Variants in PP2D1 observed in about 807,000 individuals in gnomAD.
The protein encoded by PP2D1 is protein phosphatase 2C-like domain-containing protein 1.
A neutral mutation model predicts 30.2 loss-of-function variants in PP2D1; 25 were observed. The ratio of observed to expected loss-of-function variants is 0.83; its 90% CI spans 0.60 to 1.16. The LOEUF is 1.16. Ranked by LOEUF, PP2D1 falls within the 50% of genes most tolerant of loss-of-function variation. PP2D1 has a pLI of 0.00. For synonymous variants in PP2D1, 260 were observed against 258.9 expected (o/e 1.00, Z -0.04); for missense variants, 760 against 742.4 (o/e 1.02, Z -0.28).
intron 2 of PP2D1, among the ~76,000 whole-genome samples, chr3:19,986,609 A>T (rs1395285466): frequency 6.6e-6 from 1 of 152,230 alleles, no homozygotes; most frequent in African/African-American, 2.4e-5. Context: ...TTGATTTTTT[A>T]AAAAGAATGA....
intron 1 of PP2D1, among the ~76,000 whole-genome samples, chr3:20,007,408 G>C (rs1322715007): frequency 1.3e-5 from 2 of 152,184 alleles, no homozygotes; most frequent in East Asian, 3.9e-4. Context: ...GTAGACTTAG[G>C]ATTTTTTTTT....
In PP2D1 at chr3:20,001,477, CTGAGGCACCG is replaced by C. The variant is rs1234341322; in HGVS notation, c.633_642del (p.His211GlnfsTer5). On this transcript the variant is annotated frameshift_variant, in exon 2 of 3. Transcript: ENST00000389050. LOFTEE classifies it high-confidence loss of function. Reference sequence around the variant, plus strand: ...AGTTCCATTGATGTCAACTCTGCCGCTGAGGCACCGTGATGTCCATCAAACAAACCAAAAA... The same window carrying C: ...AGTTCCATTGATGTCAACTCTGCCGCTGATGTCCATCAAACAAACCAAAAA... 5.2e-6 allele frequency: 8 copies of C among 1,536,266 alleles called. No individual in the cohort carries two copies. In the African/African-American group the frequency reaches 1.1e-4, roughly 21 times the overall value.
Position 20,001,439 on chromosome 3 carries a change from A to G in PP2D1, c.681T>C (p.Leu227=), listed in dbSNP as rs1295812529. The change falls in exon 2 of 3, where the codon CTT becomes CTC. Residue 227 remains leucine (L), a synonymous_variant. Coordinates refer to ENST00000389050, the MANE Select transcript of PP2D1 (RefSeq NM_001252657.2). ...ELTSMELPVL[L]LHQLSKFDPS... is the part of the protein sequence containing the mutation. The stretch of plus-strand genomic sequence containing the variant: ...GATCAAATTTGGAAAGCTGATGGAG[A>G]AGTAAAACTGGGAGTTCCATTGATG... The G allele has an allele frequency of 3.3e-6, 5 of 1,536,568 alleles. No homozygotes were observed. Among genetic ancestry groups the G allele is most frequent in the Non-Finnish European group, 3.5e-6 (4 of 1,147,000 alleles).
downstream of PP2D1, among the ~76,000 whole-genome samples, chr3:19,983,345 C>CAAAAAAA (rs34872300): frequency 2.2e-5 from 2 of 92,110 alleles, no homozygotes; most frequent in African/African-American, 4.1e-5. Flanking sequence ...GACTACATCT[C>CAAAAAAA]AAAAAAAAAA....
chr3:19,988,556 C>T (rs965931937), intron 2 of PP2D1, among the ~76,000 whole-genome samples: 6 of 152,128 alleles, frequency 3.9e-5, no homozygotes, highest in Admixed American at 1.3e-4. Context: ...CGTTCTGCCC[C>T]CATTTGCCTT....
At chr3:19,994,043 TA>T (rs140353341) in intron 2 of PP2D1, among the ~76,000 whole-genome samples, 65 of 146,764 alleles carry the variant, frequency 4.4e-4, no homozygotes, top group Middle Eastern at 3.5e-3. Flanking sequence ...AATTCTGTCT[TA>T]AAAAAAAAAA....
At chr3:19,980,445 A>ATTTTTTTTTTT (rs11441052), downstream of PP2D1, among the ~76,000 whole-genome samples, 3 of 148,102 alleles carry the variant, frequency 2.0e-5, no homozygotes, top group Non-Finnish European at 1.5e-5. Flanking sequence ...AGGTTAGTAA[A>ATTTTTTTTTTT]TTTTTTTTTC....
chr3:19,987,371 T>G (rs1275869661), intron 2 of PP2D1, among the ~76,000 whole-genome samples: 2 of 152,176 alleles, frequency 1.3e-5, no homozygotes, highest in African/African-American at 4.8e-5. Context: ...TTACATATAA[T>G]TACATATTGT....
intron 2 of PP2D1, among the ~76,000 whole-genome samples, chr3:20,000,631 C>G (rs1283823221): frequency 6.6e-6 from 1 of 152,140 alleles, no homozygotes; most frequent in East Asian, 1.9e-4. Flanking sequence ...AGTAACTGAC[C>G]AATTTAAACA....
rs893066875 is a variant in PP2D1, at chr3:20,012,100, C to T, written c.-28G>A. On this transcript the variant is annotated 5_prime_UTR_variant, in exon 1 of 3. Transcript: ENST00000389050. ...TCCTTTGGAATTACCTTTCTTTGCC[C>T]TCCCTTTATCCCCTTCCCCTGGCCT... 1 of 1,522,728 alleles carries T rather than the reference C, an allele frequency of 6.6e-7. No individual in the cohort carries two copies. The highest frequency in any genetic ancestry group is 8.8e-7 in the Non-Finnish European group (1 of 1,136,870). 94.3% of individuals were successfully genotyped at this position (1,522,728 alleles called of 1,614,324 possible).
At chr3:19,982,858 C>G (rs552759254), downstream of PP2D1, among the ~76,000 whole-genome samples, 1 of 151,862 alleles carries the variant, frequency 6.6e-6, no homozygotes, top group East Asian at 1.9e-4. Context: ...TATCACAATT[C>G]GGGGTGATAA....
chr3:19,984,580 T>C (rs1230494142), downstream of PP2D1: 1 of 174,020 alleles, frequency 5.7e-6, no homozygotes, highest in Non-Finnish European at 1.2e-5. Context: ...TAATCACCGC[T>C]GGCCATTACA....
At chr3:20,007,952 A>C (rs1051691650) in intron 1 of PP2D1, 1 of 223,244 alleles carries the variant, frequency 4.5e-6, no homozygotes, top group African/African-American at 2.3e-5. Context: ...TGGCGCTGCC[A>C]ATCTCCTTAA....
rs541865706 is a variant in PP2D1 at position 19,985,873 on chromosome 3, G to A, written c.1400C>T (p.Thr467Ile). 4.3e-5 allele frequency: 66 copies of A among 1,536,444 alleles called. 1 individual carries two copies. Among genetic ancestry groups the A allele is most frequent in the Admixed American group, 2.5e-4 (13 of 51,010 alleles). The change falls in exon 3 of 3, where the codon ACT becomes ATT. Residue 467 changes from threonine to isoleucine, a missense_variant. By Grantham distance (89) the Thr-to-Ile change is moderately conservative (BLOSUM62 -1). Transcript: ENST00000389050. Reference protein sequence around the residue: ...LWEVLDKEEVTALAMTTFHMY... With the variant: ...LWEVLDKEEVIALAMTTFHMY... ...GTGAAATGTTGTCATTGCCAGGGCAGTAACTTCCTCTTTATCCAAAACTTC... is the reference window on the plus strand; with the variant it reads ...GTGAAATGTTGTCATTGCCAGGGCAATAACTTCCTCTTTATCCAAAACTTC...
At chr3:20,000,127 G>T (rs62241327) in intron 2 of PP2D1, among the ~76,000 whole-genome samples, 48 of 152,268 alleles carry the variant, frequency 3.2e-4, no homozygotes, top group Non-Finnish European at 5.7e-4. Flanking sequence ...CCCCTTAAGA[G>T]GTAACATGAT....
rs1308676471 is a variant in PP2D1, at chr3:20,001,198, G to A, written c.922C>T (p.Gln308Ter). 24 of 1,528,102 alleles carry A rather than the reference G, an allele frequency of 1.6e-5. No individual in the cohort carries two copies. The highest frequency in any genetic ancestry group is 2.0e-5 in the Non-Finnish European group (23 of 1,143,752). 94.7% of individuals were successfully genotyped at this position (1,528,102 alleles called of 1,614,324 possible). ...GLGRKEVSRV[Q>*]WSGCSAVTCI... Reference sequence around the variant, plus strand: ...GTAACTGCAGAGCAGCCACTCCATTGAACCCTGGACACTTCTTTTCTTCCA... The same window carrying A: ...GTAACTGCAGAGCAGCCACTCCATTAAACCCTGGACACTTCTTTTCTTCCA... The change falls in exon 2 of 3, where the codon CAA (glutamine) becomes TAA (stop). Residue 308 changes from glutamine to a stop codon, truncating the protein, a stop_gained. Coordinates refer to ENST00000389050, the MANE Select transcript of PP2D1 (RefSeq NM_001252657.2). LOFTEE classifies it high-confidence loss of function.
intron 1 of PP2D1, among the ~76,000 whole-genome samples, chr3:20,011,329 A>G (rs1423575061): frequency 6.6e-6 from 1 of 152,130 alleles, no homozygotes; most frequent in Non-Finnish European, 1.5e-5. Flanking sequence ...ATGAGCCTTG[A>G]TGGACTATTG....
Position 20,005,213 on chromosome 3 carries a change from C to T in PP2D1, c.24-3117G>A, listed in dbSNP as rs953734101. Among the ~76,000 whole-genome samples the T allele has an allele frequency of 9.2e-5, 14 of 151,782 alleles. No homozygotes were observed. The East Asian group carries it at 1.4e-3, about 15-fold the overall frequency. On this transcript the variant is annotated intron_variant, in intron 1 of 2. Transcript: ENST00000389050. ...TGTTGCCCAGCCTGGAGTACAAGGG[C>T]GCAATCTCGGCTCACCGCAACCTCC... is the stretch of plus-strand genomic sequence containing the variant.
At position 19,998,736 on chromosome 3, in the gene PP2D1, A is replaced by C. The variant is rs1697213961; in HGVS notation, c.1090+2294T>G. ...ATAATTTTTTTTAAATTCTAGAGTC[A>C]TGATGACATTGATATATTATGAATT... On this transcript the variant is annotated intron_variant, in intron 2 of 2. Transcript: ENST00000389050. Among the ~76,000 whole-genome samples the C allele has an allele frequency of 1.3e-5, 2 of 152,224 alleles. 1 individual carries two copies. The highest frequency in any genetic ancestry group is 4.1e-4 in the South Asian group (2 of 4,834).
Sources: allele counts gnomAD v4.1 joint callset (sites outside exome capture counted in the v4.1 genomes callset), GRCh38; gene constraint gnomAD v4.1.1; transcripts MANE v1.5; gene names NCBI Gene and HGNC (gene_info 2026-07-23, HGNC 2026-07-21).